Variants in FERMT1 observed in about 807,000 individuals in gnomAD.
FERMT1 encodes FERM domain containing kindlin 1.
Under a neutral mutation model 85.3 loss-of-function variants are expected in FERMT1, and 60 were observed. The ratio of observed to expected loss-of-function variants is 0.70; its 90% CI spans 0.57 to 0.87. The LOEUF is 0.87. Ranked by LOEUF, FERMT1 falls within the 40% of genes least tolerant of loss-of-function variation. FERMT1 has a pLI of 0.00. For missense variants in FERMT1, 701 were observed against 818.9 expected, an observed-to-expected ratio of 0.86 and a Z score of 1.76; for synonymous variants, 275 against 301.1, an observed-to-expected ratio of 0.91 and a Z score of 0.90.
intron 9 of FERMT1, among the ~76,000 whole-genome samples, chr20:6,090,135 C>T (rs561526794): frequency 2.6e-5 from 4 of 152,030 alleles, no homozygotes; most frequent in African/African-American, 7.2e-5. Context: ...AGTGCTGTGG[C>T]ACGATCTCGG....
Position 6,110,320 on chromosome 20 carries a change from C to A in FERMT1, c.724G>T (p.Asp242Tyr). ...ADMYQPRSLV[D>Y]KAKLNAGWLD... ...TACCCTGCATTGAGCTTGGCTTTAT[C>A]AACCAGAGACCGAGGCTGGTACATA... The change falls in exon 5 of 15, where the codon GAT becomes TAT. Residue 242 changes from aspartate to tyrosine, a missense_variant. Transcript: ENST00000217289. 1 of 1,613,016 alleles carries A rather than the reference C, an allele frequency of 6.2e-7. No individual in the cohort carries two copies. Among genetic ancestry groups the A allele is most frequent in the Non-Finnish European group, 8.5e-7 (1 of 1,179,820 alleles).
chr20:6,111,407 G>C (rs533732811), intron 4 of FERMT1, among the ~76,000 whole-genome samples: 1 of 152,170 alleles, frequency 6.6e-6, no homozygotes, highest in Non-Finnish European at 1.5e-5. Context: ...TGAGGCAGGC[G>C]GATCACTTGA....
At chr20:6,085,462 A>G (rs569524376) in intron 11 of FERMT1, among the ~76,000 whole-genome samples, 175 bp from the exon 12 acceptor site, 2 of 152,320 alleles carry the variant, frequency 1.3e-5, no homozygotes, top group South Asian at 4.1e-4. Context: ...ACCTAACAGT[A>G]GTTTTTGAGT....
chr20:6,101,694 C>G (rs759220538), intron 6 of FERMT1, among the ~76,000 whole-genome samples: 11 of 152,030 alleles, frequency 7.2e-5, no homozygotes, highest in Non-Finnish European at 1.3e-4. Flanking sequence ...GCTCTGTTGC[C>G]CAGGCTGGAG....
At chr20:6,109,652 C>A (rs1275564603) in intron 5 of FERMT1, among the ~76,000 whole-genome samples, 1 of 152,178 alleles carries the variant, frequency 6.6e-6, no homozygotes, top group Non-Finnish European at 1.5e-5. Flanking sequence ...GTAATCCCAG[C>A]ACTTTGGGAG....
chr20:6,087,062 C>A (rs1236560586), intron 11 of FERMT1, among the ~76,000 whole-genome samples: 2 of 152,136 alleles, frequency 1.3e-5, no homozygotes, highest in East Asian at 3.9e-4. Flanking sequence ...GTGGAAGTGA[C>A]AGTGTGCCAA....
intron 11 of FERMT1, 88 bp from the exon 12 acceptor site, chr20:6,085,375 C>T (rs1193706294): frequency 1.7e-6 from 2 of 1,152,760 alleles, no homozygotes; most frequent in Non-Finnish European, 2.6e-6. Context: ...TACCCCATTA[C>T]AGTGCAAAAC....
At position 6,110,439 on chromosome 20, in the gene FERMT1, G is replaced by C; in HGVS notation, c.605C>G (p.Thr202Ser). Residue 202 changes from threonine to serine, a missense_variant, in exon 5 of 15, where the codon ACC (threonine) becomes AGC (serine). Transcript: ENST00000217289. ...AGGGCTGTCACTGAACCAAGTCATG[G>C]TGGATGATGCTGGTGTTCCATTGAT... ...DPINGTPASS[T>S]MTWFSDSPLT... The C allele has an allele frequency of 6.2e-7, 1 of 1,613,668 alleles. No homozygotes were observed. Among genetic ancestry groups the C allele is most frequent in the East Asian group, 2.2e-5 (1 of 44,884 alleles).
intron 9 of FERMT1, among the ~76,000 whole-genome samples, chr20:6,091,941 T>A (rs1296270101): frequency 6.6e-6 from 1 of 151,218 alleles, no homozygotes; most frequent in East Asian, 1.9e-4. Context: ...GTTAGAATTT[T>A]TTTTTTTTTT....
intron 3 of FERMT1, among the ~76,000 whole-genome samples, chr20:6,112,977 C>T (rs4300912): frequency 0.077 from 11,730 of 152,246 alleles, 1,026 homozygotes; most frequent in East Asian, 0.46. Context: ...TACCTATTTA[C>T]CACCAACTTT....
chr20:6,090,891 C>T (rs1012480877), intron 9 of FERMT1, among the ~76,000 whole-genome samples: 2 of 152,046 alleles, frequency 1.3e-5, no homozygotes, highest in South Asian at 2.1e-4. Context: ...TTGCTGGGTG[C>T]GGTGGCTCGT....
intron 2 of FERMT1, among the ~76,000 whole-genome samples, chr20:6,117,399 G>C (rs566946358): frequency 1.0e-4 from 15 of 146,016 alleles, no homozygotes; most frequent in Admixed American, 9.7e-4. Flanking sequence ...CTCCCAAGTA[G>C]CTGGGATTAC....
Position 6,097,590 on chromosome 20 carries a change from C to A in FERMT1, c.891G>T (p.Arg297Ser). The A allele has an allele frequency of 6.2e-7, 1 of 1,614,064 alleles. No homozygotes were observed. Among genetic ancestry groups the A allele is most frequent in the Non-Finnish European group, 8.5e-7 (1 of 1,179,992 alleles). Residue 297 changes from arginine (R) to serine (S), a missense_variant, in exon 7 of 15, where the codon AGG (arginine) becomes AGT (serine). Arg to Ser is a moderately radical substitution (Grantham distance 110). Coordinates refer to ENST00000217289, the MANE Select transcript of FERMT1 (RefSeq NM_017671.5). Reference sequence around the variant, plus strand: ...CAATTTCTTCTAAGAGAATGGCCCACCTGGCTTGCTCATAGAGTTGGTTTA... The same window carrying A: ...CAATTTCTTCTAAGAGAATGGCCCAACTGGCTTGCTCATAGAGTTGGTTTA... ...VRINQLYEQA[R>S]WAILLEEIDC... is the part of the protein sequence containing the mutation.
At chr20:6,099,690 T>C (rs2123122697) in intron 6 of FERMT1, among the ~76,000 whole-genome samples, 1 of 152,034 alleles carries the variant, frequency 6.6e-6, no homozygotes, top group East Asian at 2.0e-4. Context: ...ACCTGGGCAA[T>C]GTAGCAAGAC....
At chr20:6,099,989 A>G (rs1444146635) in intron 6 of FERMT1, among the ~76,000 whole-genome samples, 1 of 151,900 alleles carries the variant, frequency 6.6e-6, no homozygotes, top group Non-Finnish European at 1.5e-5. Context: ...ATCTCAGAAA[A>G]AAAAAAAAGA....
At chr20:6,091,332 C>T (rs768358871) in intron 9 of FERMT1, among the ~76,000 whole-genome samples, 36 of 151,888 alleles carry the variant, frequency 2.4e-4, no homozygotes, top group Non-Finnish European at 4.0e-4. Context: ...TGGGTTCAAG[C>T]GGTCCTCATG....
chr20:6,119,924 G>A (rs186020988), intron 1 of FERMT1, among the ~76,000 whole-genome samples: 3 of 151,948 alleles, frequency 2.0e-5, no homozygotes, highest in Admixed American at 2.0e-4. Flanking sequence ...CTGGCAATAG[G>A]CAATCTTCCA....
In FERMT1 at chr20:6,112,641, T is replaced by C. The variant is rs779335446; in HGVS notation, c.386-18A>G. On this transcript the variant is annotated intron_variant, in intron 3 of 14. Coordinates refer to ENST00000217289, the MANE Select transcript of FERMT1 (RefSeq NM_017671.5). ...TCTAATATCTAGAAATAAATATTTT[T>C]TAAAAATGAAGAAAAAGTAAAAAGA... The C allele has an allele frequency of 6.7e-7, 1 of 1,487,646 alleles. No homozygotes were observed. Among genetic ancestry groups the C allele is most frequent in the Non-Finnish European group, 9.1e-7 (1 of 1,104,456 alleles). The allele number at this position is 1,487,646 out of a possible 1,614,324, so 92.2% of individuals were successfully genotyped here. A position where few individuals can be genotyped will look rare whatever the true frequency, so the allele number is the denominator to read the frequency against.
At chr20:6,091,015 T>C (rs1982340648) in intron 9 of FERMT1, among the ~76,000 whole-genome samples, 1 of 151,186 alleles carries the variant, frequency 6.6e-6, no homozygotes, top group Non-Finnish European at 1.5e-5. Flanking sequence ...AATACAAAAA[T>C]TAGCTGGCCG....
Sources: gnomAD v4.1 joint callset for allele counts (sites outside exome capture counted in the v4.1 genomes callset) on GRCh38, gnomAD v4.1.1 for gene constraint, MANE v1.5 for transcripts, NCBI Gene and HGNC (gene_info 2026-07-23, HGNC 2026-07-21) for gene names.